Variants in CACHD1 observed in about 807,000 individuals in gnomAD.
CACHD1 encodes the protein cache domain containing 1.
CACHD1 carries 71 observed loss-of-function variants against 138.7 expected under a neutral mutation model. That is an observed-to-expected ratio of 0.51 (90% CI 0.42 to 0.62). The LOEUF (loss-of-function observed/expected upper bound fraction) is 0.62, where lower values mean the gene tolerates loss of function less well. CACHD1 is among the 20% of genes least tolerant of loss of function. The pLI, the probability that CACHD1 is intolerant of heterozygous loss-of-function variation, is 0.00. For synonymous variants in CACHD1, 578 were observed against 591.5 expected (o/e 0.98, Z 0.33); for missense variants, 1,389 against 1,625.3 (o/e 0.85, Z 2.50).
At chr1:64,502,187 T>G (rs1646344177) in intron 1 of CACHD1, among the ~76,000 whole-genome samples, 1 of 152,226 alleles carries the variant, frequency 6.6e-6, no homozygotes, top group Non-Finnish European at 1.5e-5. Flanking sequence ...ACATTGCAAG[T>G]AGATGCCTTT....
chr1:64,512,202 T>G (rs1032843642), intron 1 of CACHD1, among the ~76,000 whole-genome samples: 5 of 152,038 alleles, frequency 3.3e-5, no homozygotes, highest in Non-Finnish European at 4.4e-5. Flanking sequence ...GATACTAGCC[T>G]AGCCAACATG....
chr1:64,558,428 G>C (rs947295844), intron 2 of CACHD1, among the ~76,000 whole-genome samples: 2 of 152,128 alleles, frequency 1.3e-5, no homozygotes, highest in African/African-American at 4.8e-5. Context: ...AGCCCACCTT[G>C]CTTCCATGCT....
intron 1 of CACHD1, 115 bp downstream of exon 1, chr1:64,471,057 G>T: frequency 9.3e-7 from 1 of 1,076,950 alleles, no homozygotes; most frequent in Non-Finnish European, 1.3e-6. Flanking sequence ...CATACATAGA[G>T]CCCGGCTTCC....
chr1:64,660,664 G>A (rs1649413352), intron 13 of CACHD1, among the ~76,000 whole-genome samples: 1 of 151,948 alleles, frequency 6.6e-6, no homozygotes. Context: ...CTGATTAGCT[G>A]GGATTACAGT....
intron 4 of CACHD1, among the ~76,000 whole-genome samples, chr1:64,625,887 A>G (rs774525239): frequency 6.6e-6 from 1 of 152,246 alleles, no homozygotes; most frequent in African/African-American, 2.4e-5. Context: ...TGAGAATTAA[A>G]TGCTATATGT....
intron 8 of CACHD1, among the ~76,000 whole-genome samples, chr1:64,642,999 A>G (rs1354530660): frequency 1.6e-5 from 2 of 125,652 alleles, no homozygotes; most frequent in Non-Finnish European, 3.2e-5. Flanking sequence ...AGATTGCAGC[A>G]CTGCACCCCA....
intron 19 of CACHD1, among the ~76,000 whole-genome samples, chr1:64,674,805 A>T (rs1029429032): frequency 5.3e-5 from 8 of 152,248 alleles, no homozygotes; most frequent in Non-Finnish European, 1.0e-4. Flanking sequence ...TTCTAATATG[A>T]TAAACAAAAT....
chr1:64,684,465 A>G (rs1409994191), intron 26 of CACHD1, among the ~76,000 whole-genome samples: 5 of 150,352 alleles, frequency 3.3e-5, no homozygotes, highest in Non-Finnish European at 5.9e-5. Context: ...AAAAGCTTAT[A>G]GAATAAGGAT....
At chr1:64,664,703 T>C in intron 15 of CACHD1, 24 bp downstream of exon 15, 1 of 1,606,542 alleles carries the variant, frequency 6.2e-7, no homozygotes, top group Non-Finnish European at 8.5e-7. Context: ...GCTTCCGTTA[T>C]CAAAGGTTCT....
chr1:64,478,257 C>T (rs536892089), intron 1 of CACHD1, among the ~76,000 whole-genome samples: 3 of 152,188 alleles, frequency 2.0e-5, no homozygotes, highest in South Asian at 2.1e-4. Flanking sequence ...TCCTCTGGGT[C>T]TGTCCCTAAT....
intron 1 of CACHD1, among the ~76,000 whole-genome samples, chr1:64,492,637 G>A (rs1000194405): frequency 2.0e-4 from 30 of 152,020 alleles, no homozygotes; most frequent in African/African-American, 6.5e-4. Flanking sequence ...AGCGCTGTGC[G>A]GTTACTCCGC....
intron 2 of CACHD1, among the ~76,000 whole-genome samples, chr1:64,575,288 T>C (rs560327340): frequency 6.6e-6 from 1 of 152,332 alleles, no homozygotes; most frequent in Admixed American, 6.5e-5. Context: ...TCTATGTCTG[T>C]CTGAACCATT....
At position 64,659,995 on chromosome 1, in the gene CACHD1, C is replaced by G. The variant is rs115435633; in HGVS notation, c.1951+1122C>G. Among the ~76,000 whole-genome samples, 949 of 152,288 alleles carry G rather than the reference C, an allele frequency of 6.2e-3. 6 individuals are homozygous for G. The highest frequency in any genetic ancestry group is 0.022 in the African/African-American group (916 of 41,546). ...TAAGTGGTCTCTTCTGGGATACCTC[C>G]CAGCAGTGTTGACAATTTGGATAGA... On this transcript the variant is annotated intron_variant, in intron 13 of 26. Transcript: ENST00000651257.
At chr1:64,656,779 G>A (rs917934510) in intron 12 of CACHD1, among the ~76,000 whole-genome samples, 8 of 151,732 alleles carry the variant, frequency 5.3e-5, no homozygotes, top group Admixed American at 2.0e-4. Context: ...AATAAATAAT[G>A]AGATTGGAGA....
intron 12 of CACHD1, 106 bp from the exon 13 acceptor site, chr1:64,658,599 C>T: frequency 1.4e-6 from 1 of 709,718 alleles, no homozygotes; most frequent in Non-Finnish European, 2.3e-6. Flanking sequence ...GAATACCTTC[C>T]ACGTGAAGAT....
intron 2 of CACHD1, among the ~76,000 whole-genome samples, chr1:64,567,657 CCCATGTTCTTAA>C (rs1646893173): frequency 6.6e-6 from 1 of 152,100 alleles, no homozygotes; most frequent in South Asian, 2.1e-4. Flanking sequence ...AACTCTAAAA[CCCATGTTCTTAA>C]CCATGTTCTA....
In CACHD1 at chr1:64,534,707, C is replaced by G. The variant is rs186443100; in HGVS notation, c.199-15887C>G. ...TTCCAGAGCCTAGCTTGGGGCTGGC[C>G]CATAGCCTGTGCTCAGTAACAGGAA... On this transcript the variant is annotated intron_variant, in intron 1 of 26. Coordinates refer to ENST00000651257, the MANE Select transcript of CACHD1 (RefSeq NM_020925.4). Among the ~76,000 whole-genome samples the G allele has an allele frequency of 2.0e-3, 304 of 152,342 alleles. 2 individuals carry two copies. Among genetic ancestry groups the G allele is most frequent in the African/African-American group, 6.4e-3 (266 of 41,582 alleles).
chr1:64,621,735 G>A (rs758981336), intron 4 of CACHD1, among the ~76,000 whole-genome samples: 21 of 152,196 alleles, frequency 1.4e-4, no homozygotes, highest in Non-Finnish European at 2.2e-4. Context: ...GGAACTGAAA[G>A]AATTGGCTCT....
At chr1:64,544,133 A>C (rs1039442792) in intron 1 of CACHD1, among the ~76,000 whole-genome samples, 14 of 152,296 alleles carry the variant, frequency 9.2e-5, no homozygotes, top group African/African-American at 3.1e-4. Context: ...TCCAGAGCTG[A>C]ATGAAGCCAT....
Sources: gnomAD v4.1 joint callset for allele counts (sites outside exome capture counted in the v4.1 genomes callset) on GRCh38, gnomAD v4.1.1 for gene constraint, MANE v1.5 for transcripts, NCBI Gene and HGNC (gene_info 2026-07-23, HGNC 2026-07-21) for gene names.